The following CFAP44 variants were observed in gnomAD, a reference collection of about 807,000 sequenced individuals.
CFAP44 encodes cilia and flagella associated protein 44, also known as cilia- and flagella-associated protein 44.
In CFAP44, 134 loss-of-function variants were observed where a neutral mutation model predicts 216.2. The observed-to-expected ratio is 0.62, with a 90% CI of 0.54 to 0.72. The LOEUF (loss-of-function observed/expected upper bound fraction) is 0.72, where lower values mean the gene tolerates loss of function less well. CFAP44 is among the 30% of genes least tolerant of loss of function. CFAP44 has a pLI of 0.00. For synonymous variants in CFAP44, 700 were observed against 727.6 expected, an observed-to-expected ratio of 0.96 and a Z score of 0.61; for missense variants, 2,035 against 2,182.1, an observed-to-expected ratio of 0.93 and a Z score of 1.34.
intron 28 of CFAP44, 41 bp from the exon 29 acceptor site, chr3:113,308,309 T>C (rs1950005511): frequency 1.4e-6 from 2 of 1,414,580 alleles, no homozygotes; most frequent in Admixed American, 2.7e-5. Flanking sequence ...GAAGCTTCTA[T>C]ATTAAACTAA....
intron 14 of CFAP44, among the ~76,000 whole-genome samples, chr3:113,396,195 T>G (rs1407589554): frequency 2.0e-5 from 3 of 152,184 alleles, no homozygotes; most frequent in Admixed American, 1.3e-4. Context: ...TATAAGAACA[T>G]AACTATGCTG....
intron 26 of CFAP44, among the ~76,000 whole-genome samples, chr3:113,328,695 TTAAAAAAAAAAAAAAAAAAA>T (rs1342916834): frequency 6.1e-4 from 44 of 72,344 alleles, no homozygotes; most frequent in African/African-American, 2.1e-3. Context: ...TTTAGAGAGC[TTAAAAAAAAAAAAAAAAAAA>T]AAAAAAAAAA....
chr3:113,329,761 G>A (rs1458165917), intron 26 of CFAP44, among the ~76,000 whole-genome samples: 1 of 152,118 alleles, frequency 6.6e-6, no homozygotes, highest in Non-Finnish European at 1.5e-5. Context: ...AGAGAAAAAG[G>A]ATGGTGTGAA....
intron 26 of CFAP44, among the ~76,000 whole-genome samples, chr3:113,329,388 G>A (rs1332973433): frequency 6.6e-6 from 1 of 152,166 alleles, no homozygotes; most frequent in Non-Finnish European, 1.5e-5. Flanking sequence ...AAAAAGCACA[G>A]ATGCAAAACT....
Position 113,339,457 on chromosome 3 carries a change from T to C in CFAP44, c.3437+2287A>G, listed in dbSNP as rs571190872. Reference sequence around the variant, plus strand: ...TAGGTACCACTGCGGTATGTACCAATGAAGTAGGGGAAACCTGGAGAATAG... The same window carrying C: ...TAGGTACCACTGCGGTATGTACCAACGAAGTAGGGGAAACCTGGAGAATAG... On this transcript the variant is annotated intron_variant, in intron 24 of 34. Transcript: ENST00000393845. 2.0e-5 allele frequency among the ~76,000 whole-genome samples: 3 copies of C among 152,302 alleles called. No individual in the cohort carries two copies. The South Asian group carries it at 6.2e-4, about 32-fold the overall frequency.
intron 22 of CFAP44, among the ~76,000 whole-genome samples, chr3:113,347,309 G>A (rs1317858649): frequency 1.3e-5 from 2 of 152,212 alleles, no homozygotes; most frequent in East Asian, 1.9e-4. Flanking sequence ...TCAGTTCTGG[G>A]GTTCTGACAA....
At position 113,363,498 on chromosome 3, in the gene CFAP44, A is replaced by C. The variant is rs765106804; in HGVS notation, c.2750T>G (p.Ile917Ser). 3 of 1,611,170 alleles carry C rather than the reference A, an allele frequency of 1.9e-6. No homozygotes were observed. The highest frequency in any genetic ancestry group is 2.2e-5 in the East Asian group (1 of 44,762). ...ATACCTGTAGGCTTTGGGATCTTCA[A>C]TGTCTTCTGGAATTGGCTCTGTTTC... Reference protein sequence around the residue: ...GIETEPIPEDIEDPKAYSIEN... With the variant: ...GIETEPIPEDSEDPKAYSIEN... The change falls in exon 20 of 35, where the codon ATT becomes AGT. Residue 917 changes from isoleucine (I) to serine (S), a missense_variant. Ile to Ser is a moderately radical substitution (Grantham distance 142). Coordinates refer to ENST00000393845, the MANE Select transcript of CFAP44 (RefSeq NM_001164496.2).
intron 22 of CFAP44, 104 bp from the exon 23 acceptor site, chr3:113,344,816 T>C (rs2107822305): frequency 9.1e-7 from 1 of 1,095,474 alleles, no homozygotes. Context: ...TATTATATCA[T>C]TATATTGTGC....
At chr3:113,295,528 T>G (rs1456099757) in intron 33 of CFAP44, among the ~76,000 whole-genome samples, 1 of 152,224 alleles carries the variant, frequency 6.6e-6, no homozygotes, top group Non-Finnish European at 1.5e-5. Flanking sequence ...CATCTTGGAT[T>G]AGAAAAGTTG....
At chr3:113,349,719 C>T (rs971638590) in intron 22 of CFAP44, among the ~76,000 whole-genome samples, 2 of 152,162 alleles carry the variant, frequency 1.3e-5, no homozygotes, top group Non-Finnish European at 2.9e-5. Context: ...GGGCAAGTGC[C>T]AGCTCATGTC....
intron 15 of CFAP44, among the ~76,000 whole-genome samples, chr3:113,395,222 A>G (rs1283597772): frequency 6.6e-6 from 1 of 152,232 alleles, no homozygotes; most frequent in Non-Finnish European, 1.5e-5. Context: ...ATATGCTCAC[A>G]TTTAGTAAAA....
At chr3:113,375,775 G>A (rs145508439) in intron 17 of CFAP44, among the ~76,000 whole-genome samples, 1,590 of 152,028 alleles carry the variant, frequency 0.01, 32 homozygotes, top group African/African-American at 0.036. Context: ...GAGCTGAGAC[G>A]GCACCATTGC....
chr3:113,433,095 G>A (rs117186346), intron 2 of CFAP44, among the ~76,000 whole-genome samples: 3,827 of 151,924 alleles, frequency 0.025, 59 homozygotes, highest in East Asian at 0.053. Flanking sequence ...TCATTTTTAT[G>A]GAGCCCACCT....
At chr3:113,433,957 A>G in intron 1 of CFAP44, 1 of 256,066 alleles carries the variant, frequency 3.9e-6, no homozygotes, top group East Asian at 7.6e-5. Flanking sequence ...TTTTCCCCAG[A>G]TGCTTCACCA....
intron 3 of CFAP44, 74 bp from the exon 4 acceptor site, chr3:113,426,351 T>C (rs1258975662): frequency 1.9e-5 from 29 of 1,509,884 alleles, no homozygotes; most frequent in Admixed American, 1.3e-4. Context: ...ACTTGAATTG[T>C]AGTTCCCATA....
intron 22 of CFAP44, 64 bp downstream of exon 22, chr3:113,358,681 A>G: frequency 6.6e-7 from 1 of 1,520,530 alleles, no homozygotes; most frequent in Non-Finnish European, 8.8e-7. Flanking sequence ...TGACACTACT[A>G]TAAACTATGT....
intron 21 of CFAP44, among the ~76,000 whole-genome samples, chr3:113,359,153 G>A (rs950560968): frequency 3.3e-5 from 5 of 152,288 alleles, no homozygotes; most frequent in South Asian, 4.1e-4. Flanking sequence ...AGAGTATACA[G>A]TTTTAAAGAC....
intron 15 of CFAP44, among the ~76,000 whole-genome samples, chr3:113,390,637 T>G (rs1035347905): frequency 1.1e-4 from 17 of 152,278 alleles, no homozygotes; most frequent in African/African-American, 4.1e-4. Context: ...GGTAAACAAA[T>G]TTGGTAAAGT....
chr3:113,411,424 T>G (rs908070699), intron 6 of CFAP44, among the ~76,000 whole-genome samples: 1 of 152,192 alleles, frequency 6.6e-6, no homozygotes, highest in African/African-American at 2.4e-5. Flanking sequence ...ATTTCTTGTT[T>G]TTGTCAGGTT....
Sources: allele counts gnomAD v4.1 joint callset (sites outside exome capture counted in the v4.1 genomes callset), GRCh38; gene constraint gnomAD v4.1.1; transcripts MANE v1.5; gene names NCBI Gene and HGNC (gene_info 2026-07-23, HGNC 2026-07-21).